Variants in TMEM178B observed in about 807,000 individuals in gnomAD.
TMEM178B encodes the protein transmembrane protein 178B.
A neutral mutation model predicts 31.0 loss-of-function variants in TMEM178B; 5 were observed. The ratio of observed to expected loss-of-function variants is 0.16; its 90% CI spans 0.08 to 0.34. The LOEUF is 0.34. Ranked by LOEUF, TMEM178B falls within the 10% of genes least tolerant of loss-of-function variation. TMEM178B has a pLI of 1.00. For missense variants in TMEM178B, 275 were observed against 400.3 expected (o/e 0.69, Z 2.67); for synonymous variants, 164 against 164.0 (o/e 1.00, Z 0.00).
chr7:141,451,985 G>A (rs1019962941), intron 3 of TMEM178B, among the ~76,000 whole-genome samples: 7 of 152,074 alleles, frequency 4.6e-5, no homozygotes, highest in South Asian at 2.1e-4. Context: ...TCCATCTTTC[G>A]TGAAACTCTC....
chr7:141,294,689 G>A (rs1440285062), intron 2 of TMEM178B, among the ~76,000 whole-genome samples: 1 of 152,148 alleles, frequency 6.6e-6, no homozygotes, highest in Non-Finnish European at 1.5e-5. Context: ...GTTTCAGGGG[G>A]CAGGGATTTC....
intron 2 of TMEM178B, among the ~76,000 whole-genome samples, chr7:141,213,919 T>C (rs1479022892): frequency 6.6e-6 from 1 of 152,166 alleles, no homozygotes; most frequent in East Asian, 1.9e-4. Flanking sequence ...CCGGGCTGTT[T>C]CCCCTACAAG....
chr7:141,368,998 G>A (rs1029136768), intron 2 of TMEM178B, among the ~76,000 whole-genome samples: 6 of 147,814 alleles, frequency 4.1e-5, no homozygotes, highest in African/African-American at 1.5e-4. Context: ...TCCTGTAGAT[G>A]GGGCCCACTC....
At chr7:141,385,067 C>G (rs1468964345) in intron 2 of TMEM178B, among the ~76,000 whole-genome samples, 1 of 152,166 alleles carries the variant, frequency 6.6e-6, no homozygotes, top group Non-Finnish European at 1.5e-5. Flanking sequence ...AAATGAAACC[C>G]AAAACATTCT....
chr7:141,226,652 A>G (rs987858008), intron 2 of TMEM178B, among the ~76,000 whole-genome samples: 2 of 152,124 alleles, frequency 1.3e-5, no homozygotes, highest in African/African-American at 4.8e-5. Context: ...CAGGAGTTCA[A>G]GACCAGCCTG....
chr7:141,401,589 ATTTT>A (rs1437276579), intron 2 of TMEM178B, among the ~76,000 whole-genome samples: 1 of 143,930 alleles, frequency 6.9e-6, no homozygotes, highest in Non-Finnish European at 1.5e-5. Context: ...CTATTTTTTT[ATTTT>A]TTTATTTTTT....
At chr7:141,189,274 G>A (rs1314194995) in intron 1 of TMEM178B, among the ~76,000 whole-genome samples, 4 of 152,278 alleles carry the variant, frequency 2.6e-5, no homozygotes, top group East Asian at 1.9e-4. Flanking sequence ...GAAGCATTGA[G>A]TGAAGGCAGA....
chr7:141,098,952 T>G (rs1468126149), intron 1 of TMEM178B, among the ~76,000 whole-genome samples: 1 of 152,128 alleles, frequency 6.6e-6, no homozygotes, highest in Non-Finnish European at 1.5e-5. Context: ...CCATTGTTAT[T>G]TACAAAAACC....
At chr7:141,185,433 G>A (rs1009118617) in intron 1 of TMEM178B, among the ~76,000 whole-genome samples, 3 of 152,282 alleles carry the variant, frequency 2.0e-5, no homozygotes, top group African/African-American at 7.2e-5. Flanking sequence ...AGCGGCCTGG[G>A]CTCTCCTCCG....
chr7:141,481,239 G>A (rs1359126978), downstream of TMEM178B, among the ~76,000 whole-genome samples: 1 of 152,290 alleles, frequency 6.6e-6, no homozygotes, highest in East Asian at 1.9e-4. Flanking sequence ...TCCCACATGG[G>A]TGCGCCATCT....
chr7:141,505,458 G>A, the TMEM178B span, among the ~76,000 whole-genome samples: 2,614 of 152,308 alleles, frequency 0.017, 71 homozygotes, highest in African/African-American at 0.057. Flanking sequence ...ACTGAACTCA[G>A]CTCCCCTTGT....
chr7:141,300,552 T>C (rs773562566), intron 2 of TMEM178B, among the ~76,000 whole-genome samples: 2 of 152,148 alleles, frequency 1.3e-5, no homozygotes, highest in Non-Finnish European at 2.9e-5. Flanking sequence ...TTGTTTCTCC[T>C]CTCCGCGAGC....
intron 2 of TMEM178B, among the ~76,000 whole-genome samples, chr7:141,280,868 T>G (rs780503396): frequency 1.1e-4 from 16 of 152,198 alleles, no homozygotes; most frequent in Non-Finnish European, 2.1e-4. Context: ...CTGCTTCTCT[T>G]TCTTGTTTTT....
intron 2 of TMEM178B, among the ~76,000 whole-genome samples, chr7:141,310,850 G>A (rs567582084): frequency 1.4e-4 from 21 of 152,184 alleles, no homozygotes; most frequent in South Asian, 6.2e-4. Flanking sequence ...ACATGCACGC[G>A]TATGTTCATT....
intron 1 of TMEM178B, among the ~76,000 whole-genome samples, chr7:141,081,246 A>ATGTG (rs551158548): frequency 1.3e-5 from 2 of 151,588 alleles, no homozygotes; most frequent in South Asian, 4.2e-4. Flanking sequence ...GCTTAGGCTA[A>ATGTG]TGTGTGTGTG....
At chr7:141,258,321 C>G (rs1003367577) in intron 2 of TMEM178B, among the ~76,000 whole-genome samples, 2 of 152,056 alleles carry the variant, frequency 1.3e-5, no homozygotes, top group Non-Finnish European at 2.9e-5. Context: ...TACACTAACA[C>G]TAGCAATAGC....
the TMEM178B span, among the ~76,000 whole-genome samples, chr7:141,487,151 C>A: frequency 6.6e-6 from 1 of 152,124 alleles, no homozygotes; most frequent in Non-Finnish European, 1.5e-5. Flanking sequence ...GGGGTTTTCA[C>A]CACACTGTGA....
chr7:141,074,710 G>A lies in TMEM178B; in HGVS notation c.382+18G>A. On this transcript the variant is annotated intron_variant, in intron 1 of 3. Coordinates refer to ENST00000565468, the MANE Select transcript of TMEM178B (RefSeq NM_001195278.2). The surrounding 1 kb of genome is among the most constrained non-coding windows in gnomAD (Gnocchi z 5.1). ...TCGGAAAGGTAAGCGCCGGGCGCAA[G>A]GCGTGGCGCTGCGGAGAGCCCGGCG... 6.8e-7 allele frequency: 1 copy of A among 1,462,046 alleles called. No individual in the cohort carries two copies. Among genetic ancestry groups the A allele is most frequent in the Non-Finnish European group, 9.0e-7 (1 of 1,111,540 alleles). 90.6% of individuals were successfully genotyped at this position (1,462,046 alleles called of 1,614,324 possible). A position where few individuals can be genotyped will look rare whatever the true frequency, so the allele number is the denominator to read the frequency against.
intron 1 of TMEM178B, among the ~76,000 whole-genome samples, chr7:141,163,299 A>G (rs1327923751): frequency 6.6e-6 from 1 of 152,238 alleles, no homozygotes. Flanking sequence ...GCCTTCTGGA[A>G]GCCTAGGCTT....
Sources: gnomAD v4.1 joint callset for allele counts (sites outside exome capture counted in the v4.1 genomes callset) on GRCh38, gnomAD v4.1.1 for gene constraint, Gnocchi (gnomAD v3.1) non-coding constraint, MANE v1.5 for transcripts, NCBI Gene and HGNC (gene_info 2026-07-23, HGNC 2026-07-21) for gene names.